The following PYGB variants were observed in gnomAD, a reference collection of about 807,000 sequenced individuals.
PYGB encodes glycogen phosphorylase, brain form.
PYGB carries 82 observed loss-of-function variants against 94.3 expected under a neutral mutation model. The observed-to-expected ratio is 0.87, with a 90% CI of 0.73 to 1.04. The LOEUF (loss-of-function observed/expected upper bound fraction) is 1.04. Ranked by LOEUF, PYGB falls within the 50% of genes least tolerant of loss-of-function variation. The probability of loss-of-function intolerance (pLI) is 0.00; values close to 1 mark genes in which losing one functional copy is unlikely to be tolerated. For missense variants in PYGB, 1,132 were observed against 1,158.2 expected, an observed-to-expected ratio of 0.98 and a Z score of 0.33; for synonymous variants, 488 against 479.1, an observed-to-expected ratio of 1.02 and a Z score of -0.24.
chr20:25,278,280 G>GCCCTGGGACTGGGTCATGGGGCACGTGCC (rs11466827), intron 7 of PYGB, 39 bp from the exon 8 acceptor site: 3 of 1,566,718 alleles, frequency 1.9e-6, no homozygotes, highest in African/African-American at 2.7e-5. Context: ...GAGGAGAATG[G>GCCCTGGGACTGGGTCATGGGGCACGTGCC]CCCAGCCTGC....
At chr20:25,293,762 A>G (rs1240893646) in intron 17 of PYGB, 1 of 285,476 alleles carries the variant, frequency 3.5e-6, no homozygotes. Flanking sequence ...GGTCCCAGCC[A>G]AGGTGCTCCA....
At chr20:25,291,405 C>T (rs1455527432) in intron 16 of PYGB, among the ~76,000 whole-genome samples, 2 of 152,336 alleles carry the variant, frequency 1.3e-5, no homozygotes, top group East Asian at 1.9e-4. Context: ...TAGTTCAGGC[C>T]GCCTGGGCTT....
chr20:25,291,466 C>T (rs865835424), intron 16 of PYGB, among the ~76,000 whole-genome samples: 106 of 152,234 alleles, frequency 7.0e-4, no homozygotes, highest in African/African-American at 2.5e-3. Flanking sequence ...CTGCAAGCTC[C>T]GTGGTGCAGG....
chr20:25,276,780 C>G (rs761296426), intron 6 of PYGB, 23 bp downstream of exon 6: 2 of 1,601,760 alleles, frequency 1.2e-6, no homozygotes, highest in Non-Finnish European at 8.5e-7. Flanking sequence ...GTTCTTGGCA[C>G]CCTTGTGTCC....
At chr20:25,289,655 G>GA (rs376975502) in intron 15 of PYGB, among the ~76,000 whole-genome samples, 15 of 145,806 alleles carry the variant, frequency 1.0e-4, no homozygotes, top group South Asian at 2.2e-4. Context: ...GCAAAAAAAA[G>GA]AAAAAAAAAA....
At chr20:25,274,272 T>G (rs1208564261) in intron 4 of PYGB, among the ~76,000 whole-genome samples, 1 of 152,240 alleles carries the variant, frequency 6.6e-6, no homozygotes, top group Non-Finnish European at 1.5e-5. Context: ...ATGCGTGGTA[T>G]TTTTGTCTGT....
chr20:25,283,918 GC>G (rs2088392799), intron 13 of PYGB, among the ~76,000 whole-genome samples, 185 bp from the exon 14 acceptor site: 1 of 152,166 alleles, frequency 6.6e-6, no homozygotes, highest in Admixed American at 6.5e-5. Flanking sequence ...CCCACCTTCA[GC>G]ATCCCCCTCT....
At chr20:25,274,554 C>T (rs1471624652) in intron 4 of PYGB, 38 bp from the exon 5 acceptor site, 1 of 1,603,058 alleles carries the variant, frequency 6.2e-7, no homozygotes, top group Non-Finnish European at 8.5e-7. Flanking sequence ...CCTGGGACAT[C>T]TGCGCTGAGG....
At chr20:25,284,674 C>A (rs2088402043) in intron 14 of PYGB, among the ~76,000 whole-genome samples, 2 of 152,256 alleles carry the variant, frequency 1.3e-5, no homozygotes, top group Non-Finnish European at 2.9e-5. Flanking sequence ...GATCTACCCA[C>A]TTCTGCCTCC....
Position 25,292,620 on chromosome 20 carries a change from G to A in PYGB, c.2177+7G>A. 1 of 1,608,964 alleles carries A rather than the reference G, an allele frequency of 6.2e-7. No individual in the cohort carries two copies. Among genetic ancestry groups the A allele is most frequent in the Non-Finnish European group, 8.5e-7 (1 of 1,178,790 alleles). ...AGGCCTTGGACCGGAAAGGGTGCGA[G>A]CCTGTGCCCCTGGGCACCTGGCACC... On this transcript the variant is annotated splice_region_variant and intron_variant, in intron 17 of 19. Transcript: ENST00000216962.
intron 1 of PYGB, 93 bp downstream of exon 1, chr20:25,248,514 C>T (rs1353313753): frequency 4.0e-6 from 5 of 1,242,278 alleles, no homozygotes; most frequent in Non-Finnish European, 4.0e-6. Flanking sequence ...GGCGGCCCGT[C>T]GGGCGTTACC....
In PYGB at chr20:25,296,750, A is replaced by C; in HGVS notation, c.*228A>C. 1.7e-6 allele frequency: 1 copy of C among 589,698 alleles called. No individual in the cohort carries two copies. 36.5% of individuals were successfully genotyped at this position (589,698 alleles called of 1,614,324 possible). A position where few individuals can be genotyped will look rare whatever the true frequency, so the allele number is the denominator to read the frequency against. On this transcript the variant is annotated 3_prime_UTR_variant, in exon 20 of 20. Coordinates refer to ENST00000216962, the MANE Select transcript of PYGB (RefSeq NM_002862.4). Reference sequence around the variant, plus strand: ...AAAGGAAGCCAGAGTTGACAGTACAAAGGGTCGTGGCCAGCCCTGCAGCTT... The same window carrying C: ...AAAGGAAGCCAGAGTTGACAGTACACAGGGTCGTGGCCAGCCCTGCAGCTT...
rs780877333 is a variant in PYGB at position 25,259,290 on chromosome 20, G to A, written c.297G>A (p.Thr99=). The A allele has an allele frequency of 6.8e-6, 11 of 1,612,630 alleles. No individual in the cohort carries two copies. Among genetic ancestry groups the A allele is most frequent in the Admixed American group, 3.3e-5 (2 of 60,008 alleles). Residue 99 remains threonine, a synonymous_variant, in exon 2 of 20, where the codon ACG becomes ACA. Coordinates refer to ENST00000216962, the MANE Select transcript of PYGB (RefSeq NM_002862.4). The part of the protein sequence containing the change: ...EFYMGRTLQN[T]MVNLGLQNAC... ...ACATGGGTCGCACGCTGCAGAACAC[G>A]ATGGTGAACCTGGGCCTTCAGAATG...
intron 1 of PYGB, among the ~76,000 whole-genome samples, chr20:25,250,622 T>TG (rs1318719704): frequency 1.3e-5 from 2 of 152,200 alleles, no homozygotes; most frequent in African/African-American, 2.4e-5. Context: ...TTGCTGGTGA[T>TG]GGACCAGCAA....
chr20:25,250,510 A>C (rs142063407), intron 1 of PYGB, among the ~76,000 whole-genome samples: 176 of 152,350 alleles, frequency 1.2e-3, no homozygotes, highest in African/African-American at 3.8e-3. Flanking sequence ...CTGTGTGCCT[A>C]TTCTGAATAG....
In PYGB at chr20:25,259,134, A is replaced by G. The variant is rs2092908217; in HGVS notation, c.244-103A>G. Reference sequence around the variant, plus strand: ...TTTGTGCATGGGGTTGACATAAATGAAATCCCGAGTGGGGGCTTGGCTTCA... The same window carrying G: ...TTTGTGCATGGGGTTGACATAAATGGAATCCCGAGTGGGGGCTTGGCTTCA... On this transcript the variant is annotated intron_variant, in intron 1 of 19. Transcript: ENST00000216962. 4 of 1,047,934 alleles carry G rather than the reference A, an allele frequency of 3.8e-6. No homozygotes were observed. In the Admixed American group the frequency reaches 8.3e-5, roughly 22 times the overall value. 64.9% of individuals were successfully genotyped at this position (1,047,934 alleles called of 1,614,324 possible). A position where few individuals can be genotyped will look rare whatever the true frequency, so the allele number is the denominator to read the frequency against.
chr20:25,255,823 TC>T (rs2092901326), intron 1 of PYGB, among the ~76,000 whole-genome samples: 1 of 151,330 alleles, frequency 6.6e-6, no homozygotes, highest in Admixed American at 6.6e-5. Context: ...AACCTCCGCC[TC>T]CCGGGTTCAG....
chr20:25,281,896 C>G, intron 11 of PYGB, 137 bp from the exon 12 acceptor site: 1 of 709,560 alleles, frequency 1.4e-6, no homozygotes, highest in South Asian at 1.7e-5. Context: ...CGCGGTCACT[C>G]TGTTCTCCTT....
chr20:25,281,968 G>C, intron 11 of PYGB, 65 bp from the exon 12 acceptor site: 1 of 1,381,418 alleles, frequency 7.2e-7, no homozygotes. Context: ...AGGACTTTAA[G>C]GTCTGTTGCT....
Sources: allele counts gnomAD v4.1 joint callset (sites outside exome capture counted in the v4.1 genomes callset), GRCh38; gene constraint gnomAD v4.1.1; transcripts MANE v1.5; gene names NCBI Gene and HGNC (gene_info 2026-07-23, HGNC 2026-07-21).